Variants in PDE2A observed in about 807,000 individuals in gnomAD.
The protein encoded by PDE2A is cGMP-dependent 3',5'-cyclic phosphodiesterase.
PDE2A carries 53 observed loss-of-function variants against 133.6 expected under a neutral mutation model. That is an observed-to-expected ratio of 0.40 (90% CI 0.32 to 0.50). The LOEUF (loss-of-function observed/expected upper bound fraction) is 0.50, where lower values mean the gene tolerates loss of function less well. Ranked by LOEUF, PDE2A falls within the 20% of genes least tolerant of loss-of-function variation. The pLI, the probability that PDE2A is intolerant of heterozygous loss-of-function variation, is 0.73. For synonymous variants in PDE2A, 491 were observed against 490.2 expected (o/e 1.00, Z -0.02); for missense variants, 796 against 1,232.4 (o/e 0.65, Z 5.30).
At chr11:72,581,063 C>T in intron 23 of PDE2A, 90 bp from the exon 24 acceptor site, 1 of 933,252 alleles carries the variant, frequency 1.1e-6, no homozygotes, top group Non-Finnish European at 1.7e-6. Context: ...GATGACATGC[C>T]CAGGAGCCAC....
intron 2 of PDE2A, among the ~76,000 whole-genome samples, chr11:72,640,123 A>C (rs1858889926): frequency 6.6e-6 from 1 of 151,670 alleles, no homozygotes; most frequent in Non-Finnish European, 1.5e-5. Context: ...ACGTCACACC[A>C]AAAAGTCACC....
rs1855641710 is a variant in PDE2A, at chr11:72,579,899, T to C, written c.2182-291A>G. ...GAAAGCTGGAACATTTTTGAAATGA[T>C]CCTTTGGAGTCCTAGACACCAAATC... On this transcript the variant is annotated intron_variant, in intron 25 of 30. Transcript: ENST00000334456. 1.5e-5 allele frequency: 6 copies of C among 410,574 alleles called. 1 individual carries two copies. In the South Asian group the frequency reaches 3.3e-4, roughly 23 times the overall value. The allele number at this position is 410,574 out of a possible 1,614,324, so 25.4% of individuals were successfully genotyped here.
At chr11:72,640,407 G>A (rs1320497864) in intron 2 of PDE2A, among the ~76,000 whole-genome samples, 2 of 151,302 alleles carry the variant, frequency 1.3e-5, no homozygotes, top group Non-Finnish European at 2.9e-5. Flanking sequence ...ACGTGTACAT[G>A]CACGCACACA....
chr11:72,608,869 A>AC lies in PDE2A; in HGVS notation c.145-119dup. Reference sequence around the variant, plus strand: ...AGTCCAGAGCCCGAGTCTTTCAGGCACAGGAATCCCAGGATCTTAGGATCT... The same window carrying AC: ...AGTCCAGAGCCCGAGTCTTTCAGGCACCAGGAATCCCAGGATCTTAGGATCT... On this transcript the variant is annotated intron_variant, in intron 2 of 30. Coordinates refer to ENST00000334456, the MANE Select transcript of PDE2A (RefSeq NM_002599.5). The AC allele has an allele frequency of 7.7e-6, 5 of 647,198 alleles. No homozygotes were observed. In the South Asian group the frequency reaches 8.6e-5, roughly 11 times the overall value. The allele number at this position is 647,198 out of a possible 1,614,324, so 40.1% of individuals were successfully genotyped here. A position where few individuals can be genotyped will look rare whatever the true frequency, so the allele number is the denominator to read the frequency against.
intron 1 of PDE2A, among the ~76,000 whole-genome samples, chr11:72,647,817 ATG>A (rs1859170015): frequency 6.6e-6 from 1 of 152,100 alleles, no homozygotes; most frequent in South Asian, 2.1e-4. Context: ...TGTAAGCATG[ATG>A]TGTGTGAGGG....
intron 14 of PDE2A, 30 bp downstream of exon 14, chr11:72,586,040 C>G: frequency 1.5e-6 from 2 of 1,310,942 alleles, no homozygotes; most frequent in Non-Finnish European, 1.1e-6. Context: ...CGAGTCGGTG[C>G]CCGAGAGAGG....
chr11:72,654,240 G>A (rs182898611), intron 1 of PDE2A, among the ~76,000 whole-genome samples: 109 of 152,338 alleles, frequency 7.2e-4, no homozygotes, highest in African/African-American at 2.6e-3. Flanking sequence ...AGGTGCTAGA[G>A]AACCCAGAGC....
chr11:72,663,249 GT>G (rs1341532906), intron 1 of PDE2A, among the ~76,000 whole-genome samples: 1 of 152,326 alleles, frequency 6.6e-6, no homozygotes, highest in East Asian at 1.9e-4. Flanking sequence ...CTCAAGGCCA[GT>G]TGGGATGAAT....
intron 2 of PDE2A, among the ~76,000 whole-genome samples, chr11:72,624,593 C>A (rs536141921): frequency 2.6e-5 from 4 of 152,222 alleles, no homozygotes; most frequent in Admixed American, 2.6e-4. Flanking sequence ...AGGACCATAC[C>A]TGCTACTGCA....
intron 4 of PDE2A, among the ~76,000 whole-genome samples, chr11:72,601,303 G>C (rs1169597972): frequency 1.2e-5 from 1 of 81,598 alleles, no homozygotes; most frequent in African/African-American, 5.0e-5. Context: ...CCTCACTGAG[G>C]CTGCCCACTG....
At chr11:72,674,054 C>G in intron 1 of PDE2A, 83 bp downstream of exon 1, 5 of 1,408,856 alleles carry the variant, frequency 3.5e-6, no homozygotes, top group Non-Finnish European at 4.9e-6. Context: ...CATGCCAACC[C>G]CAGCTCCTTG....
intron 2 of PDE2A, among the ~76,000 whole-genome samples, chr11:72,612,268 A>G (rs1440183890): frequency 7.3e-6 from 1 of 136,884 alleles, no homozygotes; most frequent in Non-Finnish European, 1.5e-5. Flanking sequence ...AGACATGCAC[A>G]TCACATCCAC....
intron 1 of PDE2A, chr11:72,643,588 C>T (rs1255425001): frequency 6.6e-6 from 1 of 152,426 alleles, no homozygotes; most frequent in African/African-American, 2.4e-5. Flanking sequence ...GCCGGCCCCT[C>T]TCTCTGCAGC....
intron 1 of PDE2A, among the ~76,000 whole-genome samples, chr11:72,654,368 T>C (rs342326): frequency 0.73 from 111,558 of 152,138 alleles, 42,234 homozygotes; most frequent in Middle Eastern, 0.88. Flanking sequence ...CCCTAACCTC[T>C]GCCAGCCAGC....
chr11:72,585,764 G>C (rs950196555), intron 14 of PDE2A, among the ~76,000 whole-genome samples, 171 bp from the exon 15 acceptor site: 1 of 152,248 alleles, frequency 6.6e-6, no homozygotes, highest in Non-Finnish European at 1.5e-5. Context: ...GTGAAGGAGT[G>C]AGGGAATAGC....
rs574846048 is a variant in PDE2A at position 72,650,784 on chromosome 11, C to T, written c.72-8458G>A. Among the ~76,000 whole-genome samples the T allele has an allele frequency of 8.6e-5, 13 of 152,028 alleles. 1 individual carries two copies. The South Asian group carries it at 2.1e-3, about 24-fold the overall frequency. ...AGACAGCTGCAGCCCTGAGGCTGCCCGGCTTTCCTCCACCTGCTATTCCTG... is the reference window on the plus strand; with the variant it reads ...AGACAGCTGCAGCCCTGAGGCTGCCTGGCTTTCCTCCACCTGCTATTCCTG... On this transcript the variant is annotated intron_variant, in intron 1 of 30. Transcript: ENST00000334456.
At chr11:72,656,043 T>A (rs1299637866) in intron 1 of PDE2A, among the ~76,000 whole-genome samples, 1 of 152,076 alleles carries the variant, frequency 6.6e-6, no homozygotes, top group East Asian at 1.9e-4. Flanking sequence ...ATTAGGAGGC[T>A]CACGGCCCGG....
intron 2 of PDE2A, among the ~76,000 whole-genome samples, chr11:72,633,440 A>G (rs1858521430): frequency 6.6e-6 from 1 of 152,144 alleles, no homozygotes; most frequent in Non-Finnish European, 1.5e-5. Context: ...AGGCTCACAG[A>G]GTTCAGTTGT....
intron 3 of PDE2A, among the ~76,000 whole-genome samples, chr11:72,608,308 C>T (rs557085605): frequency 8.7e-4 from 132 of 152,354 alleles, no homozygotes; most frequent in Non-Finnish European, 2.8e-4. Flanking sequence ...CTACCCTCAA[C>T]TTCTCCTGCT....
Sources: allele counts gnomAD v4.1 joint callset (sites outside exome capture counted in the v4.1 genomes callset), GRCh38; gene constraint gnomAD v4.1.1; transcripts MANE v1.5; gene names NCBI Gene and HGNC (gene_info 2026-07-23, HGNC 2026-07-21).